Variants in PTPRD observed in about 807,000 individuals in gnomAD.
PTPRD encodes protein tyrosine phosphatase receptor type D.
Under a neutral mutation model 214.5 loss-of-function variants are expected in PTPRD, and 34 were observed. The ratio of observed to expected loss-of-function variants is 0.16; its 90% CI spans 0.12 to 0.21. The LOEUF is 0.21. PTPRD is among the 10% of genes least tolerant of loss of function. The pLI is 1.00. For missense variants in PTPRD, 2,545 were observed against 2,398.7 expected (o/e 1.06, Z -1.27); for synonymous variants, 1,128 against 845.7 (o/e 1.33, Z -5.79).
chr9:8,428,520 C>T (rs866298099), intron 35 of PTPRD, among the ~76,000 whole-genome samples: 1 of 152,106 alleles, frequency 6.6e-6, no homozygotes, highest in Middle Eastern at 3.2e-3. Context: ...GAAATGGAGG[C>T]CTTCCCTTAG....
At chr9:9,285,231 CT>C (rs1948993013) in intron 9 of PTPRD, among the ~76,000 whole-genome samples, 1 of 151,662 alleles carries the variant, frequency 6.6e-6, no homozygotes, top group East Asian at 2.0e-4. Flanking sequence ...TGTCTTGTCA[CT>C]TTTTCTGCAT....
At chr9:9,822,634 C>T (rs1274312989) in intron 5 of PTPRD, among the ~76,000 whole-genome samples, 1 of 151,272 alleles carries the variant, frequency 6.6e-6, no homozygotes, top group Non-Finnish European at 1.5e-5. Flanking sequence ...GATATTCTGG[C>T]TTATTAAATA....
intron 5 of PTPRD, among the ~76,000 whole-genome samples, chr9:9,827,393 A>G (rs1170790086): frequency 6.6e-6 from 1 of 152,146 alleles, no homozygotes. Context: ...CCTGACAAAA[A>G]CAAGCAATGG....
chr9:8,440,198 G>C (rs1353746239), intron 34 of PTPRD, among the ~76,000 whole-genome samples: 4 of 151,708 alleles, frequency 2.6e-5, no homozygotes, highest in South Asian at 4.2e-4. Flanking sequence ...CCATTAGCAA[G>C]CTTTAGTACT....
intron 2 of PTPRD, among the ~76,000 whole-genome samples, chr9:10,526,046 T>C (rs997267602): frequency 6.6e-6 from 1 of 152,124 alleles, no homozygotes; most frequent in African/African-American, 2.4e-5. Flanking sequence ...TAGACTTATC[T>C]GACCTAGTGG....
At chr9:10,143,507 C>A (rs2099001643) in intron 3 of PTPRD, among the ~76,000 whole-genome samples, 1 of 151,926 alleles carries the variant, frequency 6.6e-6, no homozygotes, top group South Asian at 2.1e-4. Context: ...CTGGAAATTT[C>A]TCAAAGAACT....
At chr9:10,103,395 T>TATATATATATATATATATATATATATA (rs34926923) in intron 3 of PTPRD, among the ~76,000 whole-genome samples, 2,378 of 115,464 alleles carry the variant, frequency 0.021, 235 homozygotes, top group East Asian at 0.026. Flanking sequence ...ATATATATAT[T>TATATATATATATATATATATATATATA]TATTTAAGAG....
chr9:8,976,675 G>C (rs995251815), intron 11 of PTPRD, among the ~76,000 whole-genome samples: 2 of 152,014 alleles, frequency 1.3e-5, no homozygotes, highest in African/African-American at 4.8e-5. Context: ...TCTAACCATT[G>C]ATAACATTTG....
chr9:10,525,727 A>AGTGTGTGT (rs398010299), intron 2 of PTPRD, among the ~76,000 whole-genome samples: 8,678 of 146,982 alleles, frequency 0.059, 247 homozygotes, highest in East Asian at 0.074. Context: ...AGATTTTCAA[A>AGTGTGTGT]GTGTGTGTGT....
At chr9:9,062,334 C>G (rs1327479974) in intron 10 of PTPRD, among the ~76,000 whole-genome samples, 2 of 152,066 alleles carry the variant, frequency 1.3e-5, no homozygotes, top group Non-Finnish European at 2.9e-5. Context: ...AATTAGTAAG[C>G]AACTGATTAA....
intron 2 of PTPRD, among the ~76,000 whole-genome samples, chr9:10,496,096 CA>C (rs2041949850): frequency 6.6e-6 from 1 of 151,502 alleles, no homozygotes; most frequent in Non-Finnish European, 1.5e-5. Context: ...TATGTAGAAA[CA>C]AAACCATAAT....
intron 11 of PTPRD, among the ~76,000 whole-genome samples, chr9:8,812,734 G>A (rs1003849312): frequency 6.6e-6 from 1 of 151,468 alleles, no homozygotes; most frequent in Admixed American, 6.6e-5. Context: ...GGACTCGGTG[G>A]GGCTTGAAGG....
intron 3 of PTPRD, among the ~76,000 whole-genome samples, chr9:10,157,235 G>C (rs932417786): frequency 3.3e-5 from 5 of 152,066 alleles, no homozygotes; most frequent in African/African-American, 1.2e-4. Context: ...TCAGTGGTTT[G>C]TGTACTTCAG....
At chr9:9,455,639 C>A (rs1399720723) in intron 8 of PTPRD, among the ~76,000 whole-genome samples, 3 of 151,584 alleles carry the variant, frequency 2.0e-5, no homozygotes, top group Non-Finnish European at 4.4e-5. Context: ...ATCCAAGTAA[C>A]TGAATCAGAA....
chr9:9,781,350 A>G (rs565955026), intron 5 of PTPRD, among the ~76,000 whole-genome samples: 2 of 152,338 alleles, frequency 1.3e-5, no homozygotes, highest in Admixed American at 1.3e-4. Flanking sequence ...AATTTAAAAT[A>G]ATTTAATAGT....
At chr9:9,759,529 A>G (rs2098631038) in intron 6 of PTPRD, among the ~76,000 whole-genome samples, 1 of 151,194 alleles carries the variant, frequency 6.6e-6, no homozygotes, top group South Asian at 2.1e-4. Context: ...AAATGATGCA[A>G]ACATCTTCAA....
intron 5 of PTPRD, among the ~76,000 whole-genome samples, chr9:9,928,273 A>G (rs893326425): frequency 1.3e-5 from 2 of 152,306 alleles, no homozygotes; most frequent in South Asian, 4.1e-4. Flanking sequence ...AATCAATGCT[A>G]TCTTAATATT....
intron 6 of PTPRD, among the ~76,000 whole-genome samples, chr9:9,749,052 T>C (rs1407429972): frequency 6.6e-6 from 1 of 152,070 alleles, no homozygotes; most frequent in Admixed American, 6.6e-5. Flanking sequence ...TTTCCTCTGG[T>C]TTTTGTGAGT....
chr9:10,270,827 CTT>C (rs1167302386), intron 3 of PTPRD, among the ~76,000 whole-genome samples: 1 of 151,652 alleles, frequency 6.6e-6, no homozygotes, highest in Non-Finnish European at 1.5e-5. Flanking sequence ...TATGTAAATT[CTT>C]TGTCATAATA....
Sources: allele counts gnomAD v4.1 joint callset (sites outside exome capture counted in the v4.1 genomes callset), GRCh38; gene constraint gnomAD v4.1.1; transcripts MANE v1.5; gene names NCBI Gene and HGNC (gene_info 2026-07-23, HGNC 2026-07-21).